IKZF3: variants seen among roughly 807,000 people sequenced by gnomAD.
IKZF3 encodes IKAROS family zinc finger 3, also known as zinc finger protein Aiolos.
In IKZF3, 10 loss-of-function variants were observed where a neutral mutation model predicts 49.0. That is an observed-to-expected ratio of 0.20 (90% CI 0.13 to 0.35). IKZF3 has a LOEUF of 0.35. Ranked by LOEUF, IKZF3 falls within the 10% of genes least tolerant of loss-of-function variation. IKZF3 has a pLI of 1.00. For synonymous variants in IKZF3, 209 were observed against 228.2 expected, an observed-to-expected ratio of 0.92 and a Z score of 0.76; for missense variants, 498 against 664.8, an observed-to-expected ratio of 0.75 and a Z score of 2.76.
chr17:39,794,639 T>C (rs890140492), intron 3 of IKZF3, among the ~76,000 whole-genome samples: 1 of 152,210 alleles, frequency 6.6e-6, no homozygotes, highest in African/African-American at 2.4e-5. Context: ...AGCAAAGATG[T>C]AGGGCTGTAG....
In IKZF3 at chr17:39,793,483, C is replaced by T. The variant is rs145296788; in HGVS notation, c.164-550G>A. Among the ~76,000 whole-genome samples the T allele has an allele frequency of 9.9e-4, 151 of 152,316 alleles. 2 individuals carry two copies. Among genetic ancestry groups the T allele is most frequent in the African/African-American group, 3.4e-3 (142 of 41,568 alleles). On this transcript the variant is annotated intron_variant, in intron 3 of 7. Coordinates refer to ENST00000346872, the MANE Select transcript of IKZF3 (RefSeq NM_012481.5). Reference sequence around the variant, plus strand: ...ACGTATATGAATTGCTAAAACACATCTTATCTCTGTCTCTCTTGGAGCTGA... The same window carrying T: ...ACGTATATGAATTGCTAAAACACATTTTATCTCTGTCTCTCTTGGAGCTGA...
At chr17:39,851,313 G>A (rs2062869685) in intron 1 of IKZF3, among the ~76,000 whole-genome samples, 1 of 152,018 alleles carries the variant, frequency 6.6e-6, no homozygotes, top group Non-Finnish European at 1.5e-5. Flanking sequence ...ACAGGCGTGA[G>A]CCAGCGTGCC....
rs188732133 is a variant in IKZF3, at chr17:39,813,735, C to T, written c.163+15652G>A. Among the ~76,000 whole-genome samples, 74 of 152,300 alleles carry T rather than the reference C, an allele frequency of 4.9e-4. 1 individual carries two copies. The highest frequency in any genetic ancestry group is 1.6e-3 in the African/African-American group (68 of 41,566). Reference sequence around the variant, plus strand: ...GCTGTAAAGCTCTGCCCATGGTAAGCACTTACAGAAATCCCCTGTGAGTGA... The same window carrying T: ...GCTGTAAAGCTCTGCCCATGGTAAGTACTTACAGAAATCCCCTGTGAGTGA... On this transcript the variant is annotated intron_variant, in intron 3 of 7. Transcript: ENST00000346872.
intron 6 of IKZF3, among the ~76,000 whole-genome samples, chr17:39,785,755 A>C (rs2060859059): frequency 2.6e-5 from 4 of 152,178 alleles, no homozygotes; most frequent in Admixed American, 2.6e-4. Context: ...ATAACCTTTA[A>C]GAAATATAGC....
chr17:39,851,940 G>A (rs1311018275), intron 1 of IKZF3, among the ~76,000 whole-genome samples: 2 of 151,758 alleles, frequency 1.3e-5, no homozygotes, highest in African/African-American at 4.8e-5. Flanking sequence ...TTTTGCTACA[G>A]AATTTTTATA....
At chr17:39,779,286 C>T (rs1331444696) in intron 6 of IKZF3, among the ~76,000 whole-genome samples, 1 of 151,994 alleles carries the variant, frequency 6.6e-6, no homozygotes, top group South Asian at 2.1e-4. Context: ...CATGGAGAAA[C>T]CCCATCTCTA....
chr17:39,804,108 G>C (rs2061383517), intron 3 of IKZF3, among the ~76,000 whole-genome samples: 1 of 152,110 alleles, frequency 6.6e-6, no homozygotes, highest in African/African-American at 2.4e-5. Context: ...TAATATTTGT[G>C]TCCCCAGAAC....
intron 1 of IKZF3, among the ~76,000 whole-genome samples, chr17:39,863,422 C>G (rs192531643): frequency 3.8e-4 from 58 of 152,116 alleles, no homozygotes; most frequent in Non-Finnish European, 6.0e-4. Flanking sequence ...CATCCCCCCC[C>G]GAGTTGAGAT....
At chr17:39,801,964 C>T (rs1047546737) in intron 3 of IKZF3, among the ~76,000 whole-genome samples, 1 of 151,936 alleles carries the variant, frequency 6.6e-6, no homozygotes, top group East Asian at 1.9e-4. Context: ...CAGTGGTTCA[C>T]GCCTGTAATC....
intron 6 of IKZF3, among the ~76,000 whole-genome samples, chr17:39,781,141 A>G (rs2060733040): frequency 6.6e-6 from 1 of 152,216 alleles, no homozygotes; most frequent in South Asian, 2.1e-4. Context: ...AATTCTGTCC[A>G]GCACAGGGAT....
At chr17:39,861,639 G>A (rs1056499862) in intron 1 of IKZF3, among the ~76,000 whole-genome samples, 23 of 152,040 alleles carry the variant, frequency 1.5e-4, no homozygotes, top group African/African-American at 5.3e-4. Context: ...GTTAATCTCA[G>A]CCATCCAGAA....
In IKZF3 at chr17:39,823,668, C is replaced by T. The variant is rs549423147; in HGVS notation, c.163+5719G>A. Among the ~76,000 whole-genome samples the T allele has an allele frequency of 3.3e-5, 5 of 152,292 alleles. No homozygotes were observed. The South Asian group carries it at 1.0e-3, about 32-fold the overall frequency. Reference sequence around the variant, plus strand: ...ATGGTGCTCTGTGTCCCAGCTGCTCCAGCTGCATCTAAAAGGGGCAAAGGT... The same window carrying T: ...ATGGTGCTCTGTGTCCCAGCTGCTCTAGCTGCATCTAAAAGGGGCAAAGGT... On this transcript the variant is annotated intron_variant, in intron 3 of 7. Coordinates refer to ENST00000346872, the MANE Select transcript of IKZF3 (RefSeq NM_012481.5).
At chr17:39,797,942 T>G (rs182191310) in intron 3 of IKZF3, among the ~76,000 whole-genome samples, 11 of 152,046 alleles carry the variant, frequency 7.2e-5, no homozygotes, top group African/African-American at 2.4e-4. Flanking sequence ...AGGTGTAACC[T>G]CTCTCCCTTT....
intron 6 of IKZF3, 124 bp from the exon 7 acceptor site, chr17:39,777,891 T>C (rs1202104305): frequency 1.4e-6 from 2 of 1,437,746 alleles, no homozygotes; most frequent in African/African-American, 1.4e-5. Context: ...TTACCTGTTA[T>C]AACTGCTCAG....
chr17:39,828,933 G>A (rs533404987), intron 3 of IKZF3, among the ~76,000 whole-genome samples: 37 of 152,114 alleles, frequency 2.4e-4, no homozygotes, highest in Non-Finnish European at 4.3e-4. Context: ...CATGGGAGGC[G>A]GAGGTTGCAG....
intron 6 of IKZF3, among the ~76,000 whole-genome samples, chr17:39,786,811 T>C (rs1475860619): frequency 2.6e-5 from 4 of 152,066 alleles, no homozygotes; most frequent in African/African-American, 9.7e-5. Flanking sequence ...ATAAGCTTTA[T>C]CCAAATAAGT....
At chr17:39,810,458 A>G (rs978559690) in intron 3 of IKZF3, among the ~76,000 whole-genome samples, 2 of 152,172 alleles carry the variant, frequency 1.3e-5, no homozygotes, top group African/African-American at 4.8e-5. Flanking sequence ...TTACTCCATC[A>G]TGAATTTAAA....
At chr17:39,842,244 T>C (rs1022369751) in intron 1 of IKZF3, among the ~76,000 whole-genome samples, 1 of 151,992 alleles carries the variant, frequency 6.6e-6, no homozygotes, top group Non-Finnish European at 1.5e-5. Context: ...AAGATGGGCA[T>C]AGTGGCTCAC....
intron 3 of IKZF3, among the ~76,000 whole-genome samples, chr17:39,808,085 C>T (rs1326564613): frequency 6.6e-6 from 1 of 152,038 alleles, no homozygotes; most frequent in Admixed American, 6.6e-5. Context: ...AAATTGATAG[C>T]TCTGATACTG....
Sources: allele counts gnomAD v4.1 joint callset (sites outside exome capture counted in the v4.1 genomes callset), GRCh38; gene constraint gnomAD v4.1.1; transcripts MANE v1.5; gene names NCBI Gene and HGNC (gene_info 2026-07-23, HGNC 2026-07-21).